GMDS: variants seen among roughly 807,000 people sequenced by gnomAD.
GMDS encodes GDP-mannose 4,6 dehydratase.
In GMDS, 20 loss-of-function variants were observed where a neutral mutation model predicts 49.9. The ratio of observed to expected loss-of-function variants is 0.40; its 90% CI spans 0.28 to 0.58. The LOEUF is 0.58. Ranked by LOEUF, GMDS falls within the 20% of genes least tolerant of loss-of-function variation. The probability of loss-of-function intolerance (pLI) is 0.42; values close to 1 mark genes in which losing one functional copy is unlikely to be tolerated. For synonymous variants in GMDS, 177 were observed against 178.6 expected, an observed-to-expected ratio of 0.99 and a Z score of 0.07; for missense variants, 362 against 481.4, an observed-to-expected ratio of 0.75 and a Z score of 2.32.
chr6:1,969,613 A>G (rs187855944), intron 4 of GMDS, among the ~76,000 whole-genome samples: 33 of 152,260 alleles, frequency 2.2e-4, no homozygotes, highest in Admixed American at 2.0e-3. Flanking sequence ...GCGGCCTCTA[A>G]GTTCCAAGTG....
chr6:2,086,102 T>G (rs1772997458), intron 4 of GMDS, among the ~76,000 whole-genome samples: 1 of 152,188 alleles, frequency 6.6e-6, no homozygotes, highest in Non-Finnish European at 1.5e-5. Context: ...GATTGTTTGC[T>G]CCACATGAAA....
chr6:1,726,822 T>C (rs1766608721), intron 8 of GMDS, among the ~76,000 whole-genome samples: 2 of 152,222 alleles, frequency 1.3e-5, no homozygotes, highest in East Asian at 3.9e-4. Context: ...TTCAAAGATT[T>C]TGTATTTCTC....
intron 9 of GMDS, among the ~76,000 whole-genome samples, chr6:1,644,347 C>T (rs1763424895): frequency 6.6e-6 from 1 of 152,208 alleles, no homozygotes; most frequent in African/African-American, 2.4e-5. Context: ...TCCAAACCTG[C>T]CCTCAACACA....
At chr6:1,858,374 T>C (rs777595019) in intron 7 of GMDS, among the ~76,000 whole-genome samples, 29 of 152,212 alleles carry the variant, frequency 1.9e-4, no homozygotes, top group Non-Finnish European at 3.5e-4. Flanking sequence ...TTACTTTATA[T>C]TGTGTGCAGC....
At chr6:1,896,523 G>T (rs528418692) in intron 7 of GMDS, among the ~76,000 whole-genome samples, 16 of 152,076 alleles carry the variant, frequency 1.1e-4, no homozygotes, top group Non-Finnish European at 2.1e-4. Flanking sequence ...AAGTATAGAC[G>T]ACTGACAAAT....
chr6:1,724,823 C>CA (rs1766515026), intron 9 of GMDS, among the ~76,000 whole-genome samples: 1 of 152,204 alleles, frequency 6.6e-6, no homozygotes, highest in Non-Finnish European at 1.5e-5. Flanking sequence ...TAGGCACACC[C>CA]ACTCTCCATT....
At chr6:1,920,125 G>A (rs1761643345) in intron 7 of GMDS, among the ~76,000 whole-genome samples, 1 of 152,230 alleles carries the variant, frequency 6.6e-6, no homozygotes, top group South Asian at 2.1e-4. Context: ...AAAATAAAAT[G>A]TGTTTCTTTG....
chr6:2,190,626 C>T (rs1778970751), intron 1 of GMDS, among the ~76,000 whole-genome samples: 1 of 152,238 alleles, frequency 6.6e-6, no homozygotes, highest in South Asian at 2.1e-4. Context: ...CAAGTTACCT[C>T]ACCCTCCCTG....
At chr6:1,720,601 G>A (rs1305860751) in intron 9 of GMDS, among the ~76,000 whole-genome samples, 1 of 152,168 alleles carries the variant, frequency 6.6e-6, no homozygotes, top group Non-Finnish European at 1.5e-5. Flanking sequence ...AGTTATGGGA[G>A]CACAGGATGC....
At chr6:2,172,522 C>T (rs564829209) in intron 1 of GMDS, among the ~76,000 whole-genome samples, 1 of 152,160 alleles carries the variant, frequency 6.6e-6, no homozygotes, top group African/African-American at 2.4e-5. Context: ...GAAACCCCAT[C>T]TCTACTAAAA....
intron 9 of GMDS, among the ~76,000 whole-genome samples, chr6:1,691,159 C>T (rs1045162630): frequency 6.6e-6 from 1 of 152,122 alleles, no homozygotes. Context: ...TACATATATA[C>T]CATGGAATAC....
chr6:2,155,578 G>T (rs1425903708), intron 1 of GMDS, among the ~76,000 whole-genome samples: 1 of 152,110 alleles, frequency 6.6e-6, no homozygotes, highest in Non-Finnish European at 1.5e-5. Flanking sequence ...CTGACTGACA[G>T]GAGAAGATTA....
intron 4 of GMDS, among the ~76,000 whole-genome samples, chr6:2,004,181 A>T (rs1767007711): frequency 6.6e-6 from 1 of 152,356 alleles, no homozygotes; most frequent in Middle Eastern, 3.4e-3. Context: ...GCTCTAGGGC[A>T]AGCCCTTCCA....
intron 6 of GMDS, among the ~76,000 whole-genome samples, chr6:1,955,654 T>C (rs1345903987): frequency 6.6e-6 from 1 of 152,000 alleles, no homozygotes; most frequent in Non-Finnish European, 1.5e-5. Flanking sequence ...ATCAGTGATT[T>C]CCAACTGTTG....
intron 4 of GMDS, among the ~76,000 whole-genome samples, chr6:2,029,267 A>G (rs1768812157): frequency 6.6e-6 from 1 of 151,986 alleles, no homozygotes; most frequent in African/African-American, 2.4e-5. Context: ...ACACACCCTA[A>G]CCAGATATTT....
intron 9 of GMDS, among the ~76,000 whole-genome samples, chr6:1,723,345 T>TTA (rs1554112073): frequency 6.3e-5 from 7 of 111,894 alleles, no homozygotes; most frequent in African/African-American, 2.4e-4. Flanking sequence ...TTTTTTTTTT[T>TTA]AGACGGAGTC....
chr6:1,708,450 C>A (rs1042619260), intron 9 of GMDS, among the ~76,000 whole-genome samples: 4 of 152,202 alleles, frequency 2.6e-5, no homozygotes, highest in African/African-American at 9.7e-5. Flanking sequence ...GACAAACATG[C>A]CACACGGTGG....
At chr6:1,730,201 C>G (rs117426701) in intron 8 of GMDS, among the ~76,000 whole-genome samples, 2 of 152,226 alleles carry the variant, frequency 1.3e-5, no homozygotes, top group Admixed American at 1.3e-4. Flanking sequence ...CTGGAGGAAG[C>G]ATTAGCTTCT....
intron 7 of GMDS, among the ~76,000 whole-genome samples, chr6:1,884,152 C>T (rs1347022437): frequency 6.6e-6 from 1 of 152,164 alleles, no homozygotes; most frequent in Non-Finnish European, 1.5e-5. Context: ...TACTTTTCTA[C>T]CAAATGGTCC....
Sources: gnomAD v4.1 joint callset for allele counts (sites outside exome capture counted in the v4.1 genomes callset) on GRCh38, gnomAD v4.1.1 for gene constraint, MANE v1.5 for transcripts, NCBI Gene and HGNC (gene_info 2026-07-23, HGNC 2026-07-21) for gene names.